Variants in UNC5C observed in about 807,000 individuals in gnomAD.
The protein encoded by UNC5C is unc-5 netrin receptor C.
Under a neutral mutation model 99.8 loss-of-function variants are expected in UNC5C, and 47 were observed. The observed-to-expected ratio is 0.47, with a 90% confidence interval of 0.37 to 0.60. The LOEUF (loss-of-function observed/expected upper bound fraction) is 0.60, where lower values mean the gene tolerates loss of function less well. Ranked by LOEUF, UNC5C falls within the 20% of genes least tolerant of loss-of-function variation. The pLI, the probability that UNC5C is intolerant of heterozygous loss-of-function variation, is 0.00. For missense variants in UNC5C, 1,062 were observed against 1,165.9 expected, an observed-to-expected ratio of 0.91 and a Z score of 1.30; for synonymous variants, 487 against 452.2, an observed-to-expected ratio of 1.08 and a Z score of -0.98.
intron 1 of UNC5C, among the ~76,000 whole-genome samples, chr4:95,482,577 C>T (rs1222692088): frequency 4.0e-5 from 6 of 148,288 alleles, no homozygotes; most frequent in African/African-American, 1.5e-4. Flanking sequence ...TATTGCTGCA[C>T]TATTCACAAT....
chr4:95,439,048 A>G (rs1746872526), intron 1 of UNC5C, among the ~76,000 whole-genome samples: 1 of 152,100 alleles, frequency 6.6e-6, no homozygotes, highest in Admixed American at 6.5e-5. Context: ...AAATCTCCCA[A>G]AACTCTATCA....
chr4:95,367,342 T>C, intron 1 of UNC5C, among the ~76,000 whole-genome samples: 1 of 151,972 alleles, frequency 6.6e-6, no homozygotes, highest in East Asian at 1.9e-4. Flanking sequence ...CTAATTTTTT[T>C]GTATTTTATG....
chr4:95,415,031 A>G (rs1238316671), intron 1 of UNC5C, among the ~76,000 whole-genome samples: 1 of 152,074 alleles, frequency 6.6e-6, no homozygotes, highest in Non-Finnish European at 1.5e-5. Flanking sequence ...TTGATTATAA[A>G]TCCATTTGAG....
At chr4:95,474,393 C>T (rs555220919) in intron 1 of UNC5C, among the ~76,000 whole-genome samples, 74 of 152,192 alleles carry the variant, frequency 4.9e-4, no homozygotes, top group Admixed American at 6.5e-4. Context: ...TGGGTTCAAG[C>T]GATTCTCCTG....
chr4:95,186,604 C>T (rs528248979), intron 12 of UNC5C, among the ~76,000 whole-genome samples: 1 of 152,266 alleles, frequency 6.6e-6, no homozygotes, highest in South Asian at 2.1e-4. Context: ...ATGCAAGCTG[C>T]TCGAAGGTCC....
intron 1 of UNC5C, among the ~76,000 whole-genome samples, chr4:95,398,321 T>C (rs900358863): frequency 6.6e-6 from 1 of 152,066 alleles, no homozygotes; most frequent in Non-Finnish European, 1.5e-5. Flanking sequence ...CAAGAAACCA[T>C]CATCCCTTGA....
intron 1 of UNC5C, among the ~76,000 whole-genome samples, chr4:95,494,777 C>T (rs924656948): frequency 1.3e-5 from 2 of 151,328 alleles, no homozygotes; most frequent in South Asian, 2.1e-4. Context: ...CTTTAAAGAG[C>T]AGAACTGATA....
intron 3 of UNC5C, among the ~76,000 whole-genome samples, chr4:95,301,403 G>A (rs1741870810): frequency 6.6e-6 from 1 of 152,062 alleles, no homozygotes; most frequent in Admixed American, 6.6e-5. Context: ...CACCGTGTTA[G>A]CCAGGATGGT....
In UNC5C at chr4:95,398,044, C is replaced by CTTTTTTTTTTT. The variant is rs34609153; in HGVS notation, c.125-62424_125-62414dup. Among the ~76,000 whole-genome samples the CTTTTTTTTTTT allele has an allele frequency of 1.4e-3, 134 of 95,882 alleles. 9 individuals carry two copies. Among genetic ancestry groups the CTTTTTTTTTTT allele is most frequent in the African/African-American group, 5.7e-3 (117 of 20,444 alleles). The allele number at this position is 95,882 out of a possible 152,430, so 62.9% of individuals were successfully genotyped here. ...CCCAATGAGAAGTAGCCAAATGTAG[C>CTTTTTTTTTTT]TTTTTTTTTTTTTTTTTTTGCTTAT... is the stretch of plus-strand genomic sequence containing the variant. On this transcript the variant is annotated intron_variant, in intron 1 of 15. Transcript: ENST00000453304.
At chr4:95,221,720 A>T (rs1450399231) in intron 7 of UNC5C, among the ~76,000 whole-genome samples, 2 of 152,154 alleles carry the variant, frequency 1.3e-5, no homozygotes, top group Non-Finnish European at 2.9e-5. Context: ...AATACTCGTG[A>T]TTGGGTGAGT....
intron 4 of UNC5C, among the ~76,000 whole-genome samples, chr4:95,251,105 A>G (rs539334678): frequency 4.8e-4 from 73 of 152,360 alleles, no homozygotes; most frequent in African/African-American, 1.7e-3. Context: ...GCTGCTTTTC[A>G]GAAAAGAATA....
intron 1 of UNC5C, among the ~76,000 whole-genome samples, chr4:95,406,749 T>C (rs1745841784): frequency 6.6e-6 from 1 of 152,232 alleles, no homozygotes; most frequent in Non-Finnish European, 1.5e-5. Context: ...AATAAGTGCA[T>C]TATATGCTTC....
intron 4 of UNC5C, among the ~76,000 whole-genome samples, chr4:95,276,912 G>T (rs188455020): frequency 1.5e-4 from 23 of 152,124 alleles, no homozygotes; most frequent in African/African-American, 5.3e-4. Context: ...TTGACTCATA[G>T]AGATATGAAT....
At chr4:95,523,524 TA>T (rs945112132) in intron 1 of UNC5C, among the ~76,000 whole-genome samples, 2 of 152,194 alleles carry the variant, frequency 1.3e-5, no homozygotes, top group East Asian at 3.9e-4. Context: ...TGCAACTGAT[TA>T]GGGGTATAGC....
chr4:95,216,890 T>G (rs937507776), intron 9 of UNC5C, among the ~76,000 whole-genome samples: 24 of 152,332 alleles, frequency 1.6e-4, no homozygotes, highest in African/African-American at 5.3e-4. Context: ...AACCACAGAT[T>G]ACTGGTCCCT....
intron 1 of UNC5C, among the ~76,000 whole-genome samples, chr4:95,481,473 T>C (rs1560850235): frequency 6.6e-6 from 1 of 151,976 alleles, no homozygotes; most frequent in African/African-American, 2.4e-5. Context: ...CCCATCAAGC[T>C]ACCAATGACT....
intron 5 of UNC5C, among the ~76,000 whole-genome samples, chr4:95,246,610 A>G (rs1194480619): frequency 6.6e-6 from 1 of 151,842 alleles, no homozygotes; most frequent in East Asian, 1.9e-4. Flanking sequence ...AATAAAAGTA[A>G]TGTTTATGGA....
intron 7 of UNC5C, among the ~76,000 whole-genome samples, chr4:95,238,279 T>C (rs950035080): frequency 1.3e-5 from 2 of 152,188 alleles, no homozygotes; most frequent in African/African-American, 4.8e-5. Context: ...TTTAATTTAC[T>C]AGTTTTCCTT....
chr4:95,343,794 T>C (rs1021142028), intron 1 of UNC5C, among the ~76,000 whole-genome samples: 1 of 152,010 alleles, frequency 6.6e-6, no homozygotes, highest in African/African-American at 2.4e-5. Context: ...ACAGACATAC[T>C]GAAGAGTACA....
Sources: gnomAD v4.1 joint callset for allele counts (sites outside exome capture counted in the v4.1 genomes callset) on GRCh38, gnomAD v4.1.1 for gene constraint, MANE v1.5 for transcripts, NCBI Gene and HGNC (gene_info 2026-07-23, HGNC 2026-07-21) for gene names.